Variants in BEND3 observed in about 807,000 individuals in gnomAD.
BEND3 encodes BEN domain containing 3, also known as BEN domain-containing protein 3.
BEND3 carries 13 observed loss-of-function variants against 60.1 expected under a neutral mutation model. The ratio of observed to expected loss-of-function variants is 0.22; its 90% CI spans 0.14 to 0.34. The LOEUF is 0.34. BEND3 is among the 10% of genes least tolerant of loss of function. The pLI is 1.00. For synonymous variants in BEND3, 497 were observed against 491.5 expected (o/e 1.01, Z -0.15); for missense variants, 896 against 1,138.1 (o/e 0.79, Z 3.06).
At chr6:107,072,853 T>C (rs554243157) in intron 3 of BEND3, among the ~76,000 whole-genome samples, 2 of 151,870 alleles carry the variant, frequency 1.3e-5, no homozygotes, top group African/African-American at 4.8e-5. Flanking sequence ...CCTGGCACAG[T>C]AGTGTGCACC....
rs1554236487 is a variant in BEND3 at position 107,099,290 on chromosome 6, T to C, written c.-5A>G. Reference sequence around the variant, plus strand: ...GGTGAATTCAGTTGAGTTCATCTTCTATTCCGCTAAATAAAAAGACAAAGA... The same window carrying C: ...GGTGAATTCAGTTGAGTTCATCTTCCATTCCGCTAAATAAAAAGACAAAGA... On this transcript the variant is annotated 5_prime_UTR_variant, in exon 2 of 4. The change creates a new upstream start codon in the 5' untranslated region. Coordinates refer to ENST00000369042, the MANE Select transcript of BEND3 (RefSeq NM_001367314.1). 6.2e-7 allele frequency: 1 copy of C among 1,609,210 alleles called. No individual in the cohort carries two copies. Among genetic ancestry groups the C allele is most frequent in the African/African-American group, 1.3e-5 (1 of 74,894 alleles).
At chr6:107,101,854 C>G (rs1181427943) in intron 1 of BEND3, among the ~76,000 whole-genome samples, 1 of 152,166 alleles carries the variant, frequency 6.6e-6, no homozygotes, top group Admixed American at 6.6e-5. Flanking sequence ...TGCCCCTGCC[C>G]TTGGAAACTG....
chr6:107,106,458 G>A (rs1235834334), intron 1 of BEND3, among the ~76,000 whole-genome samples: 1 of 152,152 alleles, frequency 6.6e-6, no homozygotes, highest in Non-Finnish European at 1.5e-5. Flanking sequence ...TGTGAGCTGG[G>A]TGCAGGTGCA....
In BEND3 at chr6:107,115,479, G is replaced by C. The variant is rs1186847346; in HGVS notation, c.-401C>G. ...GCGGGGAGCTCGGGCGCGCACTCCC[G>C]GGACCCAGGCGGCCCGGCGCGCTCG... On this transcript the variant is annotated 5_prime_UTR_variant, in exon 1 of 4. Coordinates refer to ENST00000369042, the MANE Select transcript of BEND3 (RefSeq NM_001367314.1). 6.8e-6 allele frequency among the ~76,000 whole-genome samples: 1 copy of C among 147,168 alleles called. No individual in the cohort carries two copies. Among genetic ancestry groups the C allele is most frequent in the South Asian group, 2.1e-4 (1 of 4,804 alleles).
Position 107,079,950 on chromosome 6 carries a change from T to C in BEND3, c.241-9000A>G, listed in dbSNP as rs183758160. ...CTCACTATGTTGCCCAGGCTGGTCT[T>C]GAACTCCTGAGCTCAAGTGATCCTC... On this transcript the variant is annotated intron_variant, in intron 3 of 3. Transcript: ENST00000369042. Among the ~76,000 whole-genome samples the C allele has an allele frequency of 2.9e-3, 446 of 152,018 alleles. 1 individual carries two copies. Among genetic ancestry groups the C allele is most frequent in the Middle Eastern group, 6.8e-3 (2 of 294 alleles).
Position 107,069,670 on chromosome 6 carries a change from G to A in BEND3, c.1521C>T (p.Asp507=). The A allele has an allele frequency of 6.2e-7, 1 of 1,609,770 alleles. No individual in the cohort carries two copies. Among genetic ancestry groups the A allele is most frequent in the Non-Finnish European group, 8.5e-7 (1 of 1,180,004 alleles). Residue 507 remains aspartate (D), a synonymous_variant, in exon 4 of 4, where the codon GAC becomes GAT. Transcript: ENST00000369042. ...TGTCCTCCACCTTGACCACTGAGATGTCGTCGGGCAGACTGGAGGAGTCGT... is the reference window on the plus strand; with the variant it reads ...TGTCCTCCACCTTGACCACTGAGATATCGTCGGGCAGACTGGAGGAGTCGT... The part of the protein sequence containing the change: ...DCYDSSSLPD[D]ISVVKVEDSF...
In BEND3 at chr6:107,068,925, T is replaced by C; in HGVS notation, c.2266A>G (p.Asn756Asp). The C allele has an allele frequency of 1.2e-6, 2 of 1,613,900 alleles. No individual in the cohort carries two copies. Among genetic ancestry groups the C allele is most frequent in the Admixed American group, 3.3e-5 (2 of 60,014 alleles). The change falls in exon 4 of 4, where the codon AAC (asparagine) becomes GAC (aspartate). Residue 756 changes from asparagine to aspartate, a missense_variant. This residue lies in a region of BEND3 where 846 missense variants were observed against 1,036.7 expected (regional missense o/e 0.82). Coordinates refer to ENST00000369042, the MANE Select transcript of BEND3 (RefSeq NM_001367314.1). This position sits in a 1 kb window ranked among gnomAD's most constrained non-coding sequence, Gnocchi z 5.8. ...GAATGGTTGTACTGCAGCCGGAGGT[T>C]CTCGGCGGTGAAGAGTTCGGGAAAC... Reference protein sequence around the residue: ...RLFPELFTAENLRLQYNHSGA... With the variant: ...RLFPELFTAEDLRLQYNHSGA...
chr6:107,107,090 C>T (rs1023633247), intron 1 of BEND3, among the ~76,000 whole-genome samples: 1 of 152,044 alleles, frequency 6.6e-6, no homozygotes, highest in South Asian at 2.1e-4. Context: ...GCATGCACCA[C>T]CACATCCGGC....
At position 107,101,948 on chromosome 6, in the gene BEND3, C is replaced by T. The variant is rs1775709893; in HGVS notation, c.-11-2652G>A. Among the ~76,000 whole-genome samples, 3 of 152,088 alleles carry T rather than the reference C, an allele frequency of 2.0e-5. No individual in the cohort carries two copies. The South Asian group carries it at 6.2e-4, about 32-fold the overall frequency. On this transcript the variant is annotated intron_variant, in intron 1 of 3. Coordinates refer to ENST00000369042, the MANE Select transcript of BEND3 (RefSeq NM_001367314.1). ...GGGGCAAAACGATGGCTGTCAGAGG[C>T]GGACATACTTTACAAAACAAATTAC...
intron 3 of BEND3, among the ~76,000 whole-genome samples, chr6:107,087,166 T>C (rs1554234428): frequency 1.3e-5 from 2 of 151,072 alleles, no homozygotes; most frequent in Non-Finnish European, 1.5e-5. Flanking sequence ...ACCCCATCTC[T>C]ACTAAAAATA....
chr6:107,075,307 T>G (rs1775078642), intron 3 of BEND3, among the ~76,000 whole-genome samples: 2 of 152,146 alleles, frequency 1.3e-5, no homozygotes, highest in Non-Finnish European at 2.9e-5. Context: ...CAAAGTGTAC[T>G]GCACAAAGTA....
intron 3 of BEND3, among the ~76,000 whole-genome samples, chr6:107,087,235 C>A (rs913056667): frequency 6.6e-6 from 1 of 151,478 alleles, no homozygotes; most frequent in Non-Finnish European, 1.5e-5. Context: ...AGGAGAATTG[C>A]TTGAATCTGG....
At chr6:107,089,402 G>A (rs1305603492) in intron 3 of BEND3, among the ~76,000 whole-genome samples, 2 of 151,518 alleles carry the variant, frequency 1.3e-5, no homozygotes, top group African/African-American at 4.8e-5. Flanking sequence ...CTAACACGGT[G>A]AAACCCCATC....
intron 1 of BEND3, among the ~76,000 whole-genome samples, chr6:107,113,144 G>C (rs373091505): frequency 6.9e-6 from 1 of 145,176 alleles, no homozygotes; most frequent in African/African-American, 2.6e-5. Context: ...GTGATAGAGC[G>C]AGACTCTGTC....
At chr6:107,107,782 A>C (rs1487771194) in intron 1 of BEND3, among the ~76,000 whole-genome samples, 1 of 152,234 alleles carries the variant, frequency 6.6e-6, no homozygotes, top group East Asian at 1.9e-4. Flanking sequence ...TTTAATAGTG[A>C]ATTTTTAAGA....
Position 107,070,884 on chromosome 6 carries a change from C to T in BEND3, c.307G>A (p.Gly103Ser), listed in dbSNP as rs781784021. The stretch of plus-strand genomic sequence containing the variant: ...ACATTGCCCAGGCTCCTGCCCCTGC[C>T]GGCCTGCTCACCATTGCCTTGGCAG... ...SPCQGNGEQA[G>S]RGRSLGNVWP... is the part of the protein sequence containing the mutation. The change falls in exon 4 of 4, where the codon GGC (glycine) becomes AGC (serine). Residue 103 changes from glycine to serine, a missense_variant. Gly to Ser is a moderately conservative substitution (Grantham distance 56). Around this residue, in one of 4 missense-constraint regions of BEND3, gnomAD observed 846 missense variants for 1,036.7 expected, o/e 0.82. Transcript: ENST00000369042. The surrounding 1 kb of genome is among the most constrained non-coding windows in gnomAD (Gnocchi z 6.9). 1.1e-5 allele frequency: 18 copies of T among 1,613,958 alleles called. No individual in the cohort carries two copies. Among genetic ancestry groups the T allele is most frequent in the South Asian group, 5.5e-5 (5 of 91,084 alleles).
chr6:107,069,307 G>T lies in BEND3; in HGVS notation c.1884C>A (p.Asp628Glu). 1 of 1,613,316 alleles carries T rather than the reference G, an allele frequency of 6.2e-7. No homozygotes were observed. Among genetic ancestry groups the T allele is most frequent in the Non-Finnish European group, 8.5e-7 (1 of 1,179,894 alleles). The change falls in exon 4 of 4, where the codon GAC (aspartate) becomes GAA (glutamate). Residue 628 changes from aspartate to glutamate, a missense_variant. Asp to Glu is a conservative substitution (Grantham distance 45). Transcript: ENST00000369042. ...CCACGAACTCCAGGGTCCAGACGCGGTCGTTTTTGGCGCGTGGGTAGAGCA... is the reference window on the plus strand; with the variant it reads ...CCACGAACTCCAGGGTCCAGACGCGTTCGTTTTTGGCGCGTGGGTAGAGCA... Reference protein sequence around the residue: ...VQLLYPRAKNDRVWTLEFVGK... With the variant: ...VQLLYPRAKNERVWTLEFVGK...
intron 3 of BEND3, among the ~76,000 whole-genome samples, chr6:107,094,936 G>A (rs944703330): frequency 1.4e-4 from 21 of 146,314 alleles, no homozygotes; most frequent in Middle Eastern, 3.7e-3. Flanking sequence ...TCCTCCCACC[G>A]CAGCCTCCCG....
At chr6:107,083,206 C>T (rs1186050011) in intron 3 of BEND3, among the ~76,000 whole-genome samples, 1 of 152,182 alleles carries the variant, frequency 6.6e-6, no homozygotes, top group South Asian at 2.1e-4. Flanking sequence ...CTAGTTATTA[C>T]TCACTGCACT....
Sources: gnomAD v4.1 joint callset for allele counts (sites outside exome capture counted in the v4.1 genomes callset) on GRCh38, gnomAD v4.1.1 for gene constraint, gnomAD v4.1.1 regional missense constraint, Gnocchi (gnomAD v3.1) non-coding constraint, MANE v1.5 for transcripts, NCBI Gene and HGNC (gene_info 2026-07-23, HGNC 2026-07-21) for gene names.